The following MBD2 variants were observed in gnomAD, a reference collection of about 807,000 sequenced individuals.
MBD2 encodes the protein methyl-CpG binding domain protein 2, also known as methyl-CpG-binding domain protein 2.
A neutral mutation model predicts 39.3 loss-of-function variants in MBD2; 9 were observed. The ratio of observed to expected loss-of-function variants is 0.23; its 90% confidence interval spans 0.14 to 0.40. The LOEUF (loss-of-function observed/expected upper bound fraction) is 0.40, where lower values mean the gene tolerates loss of function less well. Among genes scored for constraint, MBD2 ranks in the 10% least tolerant of loss-of-function variants. The pLI is 1.00. For missense variants in MBD2, 458 were observed against 532.6 expected (o/e 0.86, Z 1.38); for synonymous variants, 233 against 211.1 (o/e 1.10, Z -0.90).
chr18:54,166,182 T>C lies in MBD2; in HGVS notation c.841-16A>G, dbSNP rs910938784. 4.0e-6 allele frequency: 6 copies of C among 1,487,488 alleles called. No homozygotes were observed. The African/African-American group carries it at 5.5e-5, about 14-fold the overall frequency. The allele number at this position is 1,487,488 out of a possible 1,614,324, so 92.1% of individuals were successfully genotyped here. On this transcript the variant is annotated splice_polypyrimidine_tract_variant and intron_variant, in intron 3 of 6. Coordinates refer to ENST00000256429, the MANE Select transcript of MBD2 (RefSeq NM_003927.5). ...CCCAGAAAAGCTGTAAGGCAAAATATCACTGTTAATAGATACATTTTTGAA... is the reference window on the plus strand; with the variant it reads ...CCCAGAAAAGCTGTAAGGCAAAATACCACTGTTAATAGATACATTTTTGAA...
intron 3 of MBD2, among the ~76,000 whole-genome samples, chr18:54,188,060 C>T (rs2086296057): frequency 6.6e-6 from 1 of 152,092 alleles, no homozygotes; most frequent in African/African-American, 2.4e-5. Context: ...ATCAGTGTTT[C>T]TAATCCTTAG....
intron 5 of MBD2, among the ~76,000 whole-genome samples, chr18:54,163,196 C>T (rs538999299): frequency 1.3e-5 from 2 of 152,122 alleles, no homozygotes; most frequent in African/African-American, 4.8e-5. Context: ...TGCTTGAACC[C>T]GGGAGGCAGA....
At chr18:54,192,337 A>G (rs1426904705) in intron 2 of MBD2, among the ~76,000 whole-genome samples, 4 of 152,230 alleles carry the variant, frequency 2.6e-5, no homozygotes, top group South Asian at 4.2e-4. Flanking sequence ...GGTTCAAGCA[A>G]TTCTCCTGCC....
intron 6 of MBD2, among the ~76,000 whole-genome samples, chr18:54,157,002 G>A (rs891900562): frequency 1.2e-4 from 19 of 152,220 alleles, no homozygotes; most frequent in Middle Eastern, 3.4e-3. Context: ...AGTCCATTCC[G>A]AAGCAACAGT....
At chr18:54,193,239 G>A (rs931043778) in intron 2 of MBD2, among the ~76,000 whole-genome samples, 8 of 152,068 alleles carry the variant, frequency 5.3e-5, no homozygotes, top group Admixed American at 2.0e-4. Flanking sequence ...CATCACCGTC[G>A]GAGTTAAAAG....
At chr18:54,168,499 C>G (rs974558275) in intron 3 of MBD2, among the ~76,000 whole-genome samples, 2 of 149,130 alleles carry the variant, frequency 1.3e-5, no homozygotes, top group East Asian at 3.9e-4. Flanking sequence ...TATGCTCTTT[C>G]AATAGTAAAA....
intron 4 of MBD2, among the ~76,000 whole-genome samples, chr18:54,164,995 T>G (rs1415132964): frequency 6.6e-6 from 1 of 152,236 alleles, no homozygotes; most frequent in Non-Finnish European, 1.5e-5. Flanking sequence ...ACCAGAACTT[T>G]AAAATGCATT....
intron 1 of MBD2, among the ~76,000 whole-genome samples, chr18:54,212,335 T>C (rs979533571): frequency 6.6e-6 from 1 of 152,134 alleles, no homozygotes; most frequent in East Asian, 1.9e-4. Flanking sequence ...TCTGAACCCA[T>C]ATAGTAATTA....
intron 1 of MBD2, among the ~76,000 whole-genome samples, chr18:54,221,696 G>A (rs1327336214): frequency 5.9e-5 from 9 of 151,900 alleles, no homozygotes; most frequent in Non-Finnish European, 2.9e-5. Flanking sequence ...TTGAACCCGA[G>A]AGGCGGAGGA....
intron 3 of MBD2, among the ~76,000 whole-genome samples, chr18:54,187,278 G>A (rs776869594): frequency 3.0e-4 from 45 of 152,100 alleles, no homozygotes; most frequent in Non-Finnish European, 2.9e-4. Context: ...AATTTCCAAC[G>A]TGGAATGATA....
chr18:54,202,811 C>G, intron 2 of MBD2: 1 of 1,551,954 alleles, frequency 6.4e-7, no homozygotes, highest in East Asian at 2.3e-5. Context: ...CAAAAAAAGA[C>G]ATGGTCCCTG....
chr18:54,164,720 C>G lies in MBD2; in HGVS notation c.932-20G>C. The G allele has an allele frequency of 9.5e-6, 15 of 1,586,844 alleles. No homozygotes were observed. The highest frequency in any genetic ancestry group is 1.3e-5 in the Non-Finnish European group (15 of 1,157,258). On this transcript the variant is annotated intron_variant, in intron 4 of 6. Transcript: ENST00000256429. The stretch of plus-strand genomic sequence containing the variant: ...CAACTCCTGCAATGAGAAACAAGTA[C>G]TAGTTAAAGGAAATGTCTCAATGTG...
At chr18:54,210,940 C>T (rs1013097512) in intron 1 of MBD2, among the ~76,000 whole-genome samples, 2 of 140,084 alleles carry the variant, frequency 1.4e-5, no homozygotes, top group South Asian at 2.3e-4. Context: ...GGCGGGATCT[C>T]GGCTCACTGC....
At position 54,151,795 on chromosome 18, in the gene MBD2, G is replaced by A. The variant is rs1427350085; in HGVS notation, c.*3529C>T. The A allele has an allele frequency of 7.2e-6, 1 of 138,238 alleles. No individual in the cohort carries two copies. The highest frequency in any genetic ancestry group is 1.5e-5 in the Non-Finnish European group (1 of 65,340). 8.6% of individuals were successfully genotyped at this position (138,238 alleles called of 1,614,324 possible). On this transcript the variant is annotated 3_prime_UTR_variant, in exon 7 of 7. Coordinates refer to ENST00000256429, the MANE Select transcript of MBD2 (RefSeq NM_003927.5). ...AAACGAGTAATCTTATATTCAAAGA[G>A]ATTGTATAACACTCTCTAGATCTCC...
chr18:54,175,021 C>G (rs921185668), intron 3 of MBD2, among the ~76,000 whole-genome samples: 1 of 152,212 alleles, frequency 6.6e-6, no homozygotes, highest in African/African-American at 2.4e-5. Context: ...ATCAGTAGGT[C>G]TGGCTTATTC....
At chr18:54,187,696 T>C (rs2086294496) in intron 3 of MBD2, 1 of 985,896 alleles carries the variant, frequency 1.0e-6, no homozygotes, top group East Asian at 1.1e-4. Context: ...TCTTTTATGT[T>C]GGATGTGATA....
Position 54,188,939 on chromosome 18 carries a change from C to T in MBD2, c.775G>A (p.Val259Ile), listed in dbSNP as rs1455702342. 1.2e-6 allele frequency: 2 copies of T among 1,610,104 alleles called. No individual in the cohort carries two copies. Among genetic ancestry groups the T allele is most frequent in the Non-Finnish European group, 1.7e-6 (2 of 1,177,446 alleles). The change falls in exon 3 of 7, where the codon GTC (valine) becomes ATC (isoleucine). Residue 259 changes from valine to isoleucine, a missense_variant. Physicochemically the swap from Val to Ile is conservative, Grantham distance 29 (BLOSUM62 3). This residue lies in a region of MBD2 where 189 missense variants were observed against 296.6 expected (regional missense o/e 0.64). Coordinates refer to ENST00000256429, the MANE Select transcript of MBD2 (RefSeq NM_003927.5). ...ACTTTATTACTAGGATGATTTGTGACTTTGGTTACCGGTTGTTTGAAAATT... is the reference window on the plus strand; with the variant it reads ...ACTTTATTACTAGGATGATTTGTGATTTTGGTTACCGGTTGTTTGAAAATT... ...ASIFKQPVTK[V>I]TNHPSNKVKS...
At chr18:54,196,001 C>T (rs939005732) in intron 2 of MBD2, among the ~76,000 whole-genome samples, 2 of 152,092 alleles carry the variant, frequency 1.3e-5, no homozygotes, top group African/African-American at 4.8e-5. Flanking sequence ...AATGTCTTTC[C>T]ACAAAATCAA....
intron 2 of MBD2, among the ~76,000 whole-genome samples, chr18:54,195,789 T>A (rs1789968048): frequency 6.6e-6 from 1 of 152,140 alleles, no homozygotes; most frequent in Non-Finnish European, 1.5e-5. Context: ...TCTAAATAAA[T>A]AGCAGTTATT....
Sources: gnomAD v4.1 joint callset for allele counts (sites outside exome capture counted in the v4.1 genomes callset) on GRCh38, gnomAD v4.1.1 for gene constraint, gnomAD v4.1.1 regional missense constraint, MANE v1.5 for transcripts, NCBI Gene and HGNC (gene_info 2026-07-23, HGNC 2026-07-21) for gene names.